HSPA12A: variants seen among roughly 807,000 people sequenced by gnomAD.
HSPA12A encodes the protein heat shock 70 kDa protein 12A.
HSPA12A carries 28 observed loss-of-function variants against 69.2 expected under a neutral mutation model. That is an observed-to-expected ratio of 0.40 (90% CI 0.30 to 0.55). The LOEUF (loss-of-function observed/expected upper bound fraction) is 0.55. Ranked by LOEUF, HSPA12A falls within the 20% of genes least tolerant of loss-of-function variation. The pLI, the probability that HSPA12A is intolerant of heterozygous loss-of-function variation, is 0.38. For synonymous variants in HSPA12A, 345 were observed against 370.5 expected (o/e 0.93, Z 0.79); for missense variants, 686 against 900.7 (o/e 0.76, Z 3.05).
Position 116,740,637 on chromosome 10 carries a change from CGTGTGTGTGTGTGTGTGT to C in HSPA12A, c.40+1775_40+1792del, listed in dbSNP as rs60427815. On this transcript the variant is annotated intron_variant, in intron 1 of 11. Coordinates refer to ENST00000369209, the MANE Select transcript of HSPA12A (RefSeq NM_025015.3). ...TCCTGGACAGGATTTCTCCCAGCACCGTGTGTGTGTGTGTGTGTGTGTGTGTGTGTGTGTGTGTCTGTG... is the reference window on the plus strand; with the variant it reads ...TCCTGGACAGGATTTCTCCCAGCACCGTGTGTGTGTGTGTGTGTGTCTGTG... Among the ~76,000 whole-genome samples the C allele has an allele frequency of 9.4e-5, 13 of 137,798 alleles. 1 individual carries two copies. The South Asian group carries it at 3.4e-3, about 36-fold the overall frequency. The allele number at this position is 137,798 out of a possible 152,430, so 90.4% of individuals were successfully genotyped here.
chr10:116,834,907 TAC>T, intron 2 of HSPA12A: 1 of 1,176,786 alleles, frequency 8.5e-7, no homozygotes, highest in Non-Finnish European at 1.1e-6. Flanking sequence ...GCCAGTTTGA[TAC>T]TTACACACAT....
intron 2 of HSPA12A, among the ~76,000 whole-genome samples, chr10:116,802,451 G>T (rs997168605): frequency 3.9e-5 from 6 of 152,166 alleles, no homozygotes; most frequent in Admixed American, 2.0e-4. Flanking sequence ...TGTGAGCAGG[G>T]GAACACTTGA....
At chr10:116,794,160 G>A (rs1637559) in intron 2 of HSPA12A, among the ~76,000 whole-genome samples, 123,460 of 151,612 alleles carry the variant, frequency 0.81, 52,541 homozygotes, top group Non-Finnish European at 0.93. Flanking sequence ...AGCCGAGATC[G>A]CGCCACTGCA....
intron 1 of HSPA12A, among the ~76,000 whole-genome samples, chr10:116,732,710 C>CT (rs1851198668): frequency 6.6e-6 from 1 of 152,178 alleles, no homozygotes; most frequent in African/African-American, 2.4e-5. Context: ...TCTTCAAATA[C>CT]TTTTTTAAAA....
intron 2 of HSPA12A, chr10:116,831,019 C>T (rs1044534165): frequency 2.0e-5 from 3 of 152,386 alleles, no homozygotes; most frequent in Non-Finnish European, 4.4e-5. Context: ...CTATGATGTT[C>T]ACACAATGAT....
At chr10:116,740,637 C>CGTGT (rs60427815) in intron 1 of HSPA12A, among the ~76,000 whole-genome samples, 7 of 137,798 alleles carry the variant, frequency 5.1e-5, no homozygotes, top group African/African-American at 2.0e-4. Context: ...CTCCCAGCAC[C>CGTGT]GTGTGTGTGT....
intron 1 of HSPA12A, 50 bp from the exon 2 acceptor site, chr10:116,707,335 A>AG (rs1212142040): frequency 4.2e-6 from 6 of 1,430,966 alleles, no homozygotes; most frequent in African/African-American, 2.8e-5. Context: ...GGACTGACCC[A>AG]GGGGGAAGAA....
chr10:116,814,317 CAT>C (rs1845255785), intron 2 of HSPA12A, among the ~76,000 whole-genome samples: 1 of 152,146 alleles, frequency 6.6e-6, no homozygotes, highest in African/African-American at 2.4e-5. Context: ...GAAGGTCTGA[CAT>C]ATAAGTGGAG....
chr10:116,841,804 CAAAG>C (rs1200627720), intron 1 of HSPA12A, among the ~76,000 whole-genome samples: 1 of 150,920 alleles, frequency 6.6e-6, no homozygotes, highest in Non-Finnish European at 1.5e-5. Flanking sequence ...TTTTAATACT[CAAAG>C]AACTGTAGTT....
intron 2 of HSPA12A, among the ~76,000 whole-genome samples, chr10:116,811,956 C>T (rs911935031): frequency 2.6e-5 from 4 of 152,158 alleles, no homozygotes; most frequent in African/African-American, 9.7e-5. Flanking sequence ...AGCAGTCACC[C>T]CGATGTGGCC....
chr10:116,838,250 G>C (rs112227176), intron 1 of HSPA12A, among the ~76,000 whole-genome samples: 3 of 150,058 alleles, frequency 2.0e-5, no homozygotes, highest in African/African-American at 7.3e-5. Context: ...CATTCGTACA[G>C]AGCAACACAG....
In HSPA12A at chr10:116,686,394, C is replaced by T. The variant is rs543870592; in HGVS notation, c.664-2432G>A. On this transcript the variant is annotated intron_variant, in intron 6 of 11. Coordinates refer to ENST00000369209, the MANE Select transcript of HSPA12A (RefSeq NM_025015.3). This position sits in a 1 kb window ranked among gnomAD's most constrained non-coding sequence, Gnocchi z 4.1. ...AGAAGGTCCAAGGGGGAAGCTTCCACAAAACGGGGTGAGGAAGAAGGGACA... is the reference window on the plus strand; with the variant it reads ...AGAAGGTCCAAGGGGGAAGCTTCCATAAAACGGGGTGAGGAAGAAGGGACA... 6.6e-6 allele frequency among the ~76,000 whole-genome samples: 1 copy of T among 152,262 alleles called. No homozygotes were observed. The highest frequency in any genetic ancestry group is 1.9e-4 in the East Asian group (1 of 5,170).
chr10:116,766,902 C>G (rs1844089913), intron 2 of HSPA12A, among the ~76,000 whole-genome samples: 1 of 152,188 alleles, frequency 6.6e-6, no homozygotes, highest in Non-Finnish European at 1.5e-5. Flanking sequence ...CCCCAGGGAA[C>G]TGCTGGGTTT....
At chr10:116,784,303 AG>A (rs1264430537) in intron 2 of HSPA12A, among the ~76,000 whole-genome samples, 1 of 152,250 alleles carries the variant, frequency 6.6e-6, no homozygotes, top group Non-Finnish European at 1.5e-5. Context: ...CTCCTGACCT[AG>A]GTGGCCCCTT....
At chr10:116,767,759 G>A (rs117464133) in intron 2 of HSPA12A, among the ~76,000 whole-genome samples, 2,369 of 152,282 alleles carry the variant, frequency 0.016, 22 homozygotes, top group African/African-American at 0.019. Context: ...TTCTGATGCC[G>A]TGTGTGGCTT....
intron 3 of HSPA12A, 86 bp from the exon 4 acceptor site, chr10:116,701,215 T>G: frequency 7.7e-7 from 1 of 1,293,720 alleles, no homozygotes; most frequent in East Asian, 2.3e-5. Flanking sequence ...ACTGTATGCA[T>G]GAGTGTCAGT....
At chr10:116,714,800 C>T (rs1265315535) in intron 1 of HSPA12A, among the ~76,000 whole-genome samples, 1 of 152,212 alleles carries the variant, frequency 6.6e-6, no homozygotes, top group East Asian at 1.9e-4. Context: ...TATCCACAGG[C>T]CTTGGAACAT....
intron 2 of HSPA12A, among the ~76,000 whole-genome samples, chr10:116,770,402 G>T (rs558258079): frequency 6.6e-6 from 1 of 152,218 alleles, no homozygotes; most frequent in Non-Finnish European, 1.5e-5. Flanking sequence ...GTGAAGGGGC[G>T]GATCAGAGGC....
intron 2 of HSPA12A, among the ~76,000 whole-genome samples, chr10:116,748,774 G>C (rs890380991): frequency 1.3e-5 from 2 of 152,180 alleles, no homozygotes; most frequent in Admixed American, 6.5e-5. Context: ...CACAAGAACA[G>C]CATGGGAAAG....
Sources: gnomAD v4.1 joint callset for allele counts (sites outside exome capture counted in the v4.1 genomes callset) on GRCh38, gnomAD v4.1.1 for gene constraint, Gnocchi (gnomAD v3.1) non-coding constraint, MANE v1.5 for transcripts, NCBI Gene and HGNC (gene_info 2026-07-23, HGNC 2026-07-21) for gene names.